PAPPA2: variants seen among roughly 807,000 people sequenced by gnomAD.
PAPPA2 encodes pappalysin-2.
PAPPA2 carries 86 observed loss-of-function variants against 176.4 expected under a neutral mutation model. The ratio of observed to expected loss-of-function variants is 0.49; its 90% CI spans 0.41 to 0.58. PAPPA2 has a LOEUF of 0.58. Among genes scored for constraint, PAPPA2 ranks in the 20% least tolerant of loss-of-function variants. PAPPA2 has a pLI of 0.00. For synonymous variants in PAPPA2, 809 were observed against 852.2 expected (o/e 0.95, Z 0.88); for missense variants, 2,073 against 2,256.9 (o/e 0.92, Z 1.65).
chr1:176,680,039 G>C (rs919243009), intron 4 of PAPPA2, among the ~76,000 whole-genome samples: 5 of 152,166 alleles, frequency 3.3e-5, no homozygotes, highest in African/African-American at 7.2e-5. Flanking sequence ...AGAAAAGAAG[G>C]AAGTATAGAA....
In PAPPA2 at chr1:176,699,092, C is replaced by T. The variant is rs1354571309; in HGVS notation, c.2747-8C>T. ...TACTGATGTATCTTTCTGCTAATCT[C>T]CCCCCAGGGCCTCCTGATGTGGATC... On this transcript the variant is annotated splice_region_variant and splice_polypyrimidine_tract_variant and intron_variant, in intron 7 of 22. Transcript: ENST00000367662. 2 of 1,601,174 alleles carry T rather than the reference C, an allele frequency of 1.2e-6. No individual in the cohort carries two copies. The highest frequency in any genetic ancestry group is 1.3e-5 in the African/African-American group (1 of 74,686).
At chr1:176,756,235 G>A (rs929547319) in intron 14 of PAPPA2, among the ~76,000 whole-genome samples, 2 of 152,124 alleles carry the variant, frequency 1.3e-5, no homozygotes, top group African/African-American at 4.8e-5. Context: ...AATTACAGGC[G>A]TGAGCCACTA....
intron 1 of PAPPA2, among the ~76,000 whole-genome samples, chr1:176,500,504 A>T (rs1647899460): frequency 6.7e-6 from 1 of 148,228 alleles, no homozygotes; most frequent in Non-Finnish European, 1.5e-5. Flanking sequence ...TATATAATTT[A>T]TTTATACATT....
intron 2 of PAPPA2, among the ~76,000 whole-genome samples, chr1:176,592,603 G>C (rs1031481191): frequency 6.6e-6 from 1 of 152,102 alleles, no homozygotes; most frequent in Admixed American, 6.5e-5. Context: ...TGTTTAAATT[G>C]CAAGTAGATG....
chr1:176,764,860 C>T lies in PAPPA2; in HGVS notation c.4152-806C>T, dbSNP rs547787547. Among the ~76,000 whole-genome samples, 29 of 152,194 alleles carry T rather than the reference C, an allele frequency of 1.9e-4. No homozygotes were observed. The South Asian group carries it at 5.2e-3, about 27-fold the overall frequency. On this transcript the variant is annotated intron_variant, in intron 14 of 22. Transcript: ENST00000367662. The stretch of plus-strand genomic sequence containing the variant: ...ATCCGCCCGCCTTGGCCTCCCAAAG[C>T]GCTGGGATTATGGGCGTGAGCCACC...
intron 1 of PAPPA2, among the ~76,000 whole-genome samples, chr1:176,524,786 G>A (rs1002598741): frequency 8.5e-5 from 13 of 152,202 alleles, no homozygotes; most frequent in African/African-American, 2.7e-4. Context: ...CACTTTGGGA[G>A]GCCCTGGCGG....
intron 20 of PAPPA2, among the ~76,000 whole-genome samples, chr1:176,795,991 A>G (rs1309457441): frequency 6.6e-6 from 1 of 152,216 alleles, no homozygotes; most frequent in Non-Finnish European, 1.5e-5. Context: ...GAGGAAGAAA[A>G]CGAGAAGATA....
chr1:176,671,386 T>G (rs1410654644), intron 4 of PAPPA2, among the ~76,000 whole-genome samples: 1 of 152,220 alleles, frequency 6.6e-6, no homozygotes, highest in Non-Finnish European at 1.5e-5. Context: ...TGGCATAGAA[T>G]AAGATCATTT....
chr1:176,591,164 T>A (rs937171479), intron 2 of PAPPA2, among the ~76,000 whole-genome samples: 1 of 151,826 alleles, frequency 6.6e-6, no homozygotes, highest in Non-Finnish European at 1.5e-5. Flanking sequence ...GTGAGTAATT[T>A]ATATAAAGGC....
rs150571489 is a variant in PAPPA2 at position 176,583,306 on chromosome 1, T to C, written c.920-11218T>C. Among the ~76,000 whole-genome samples the C allele has an allele frequency of 2.5e-4, 38 of 152,210 alleles. No homozygotes were observed. The South Asian group carries it at 4.6e-3, about 18-fold the overall frequency. ...TGCTTTTCTCATTGTTTGAAGTGCA[T>C]TGTTACGTTGTTGTTTTTTGAAATA... is the stretch of plus-strand genomic sequence containing the variant. On this transcript the variant is annotated intron_variant, in intron 2 of 22. Transcript: ENST00000367662.
chr1:176,788,311 A>T (rs572130634), intron 17 of PAPPA2, among the ~76,000 whole-genome samples: 1 of 152,330 alleles, frequency 6.6e-6, no homozygotes, highest in African/African-American at 2.4e-5. Flanking sequence ...AGACAGTCAC[A>T]TGTGCATTTA....
At chr1:176,771,839 A>T (rs1664243043) in intron 17 of PAPPA2, among the ~76,000 whole-genome samples, 1 of 152,158 alleles carries the variant, frequency 6.6e-6, no homozygotes, top group Non-Finnish European at 1.5e-5. Context: ...TTATAATGTA[A>T]TTTAAGAGGA....
At chr1:176,501,531 A>C (rs1378165010) in intron 1 of PAPPA2, among the ~76,000 whole-genome samples, 1 of 152,202 alleles carries the variant, frequency 6.6e-6, no homozygotes, top group East Asian at 1.9e-4. Flanking sequence ...AAATGGGAGC[A>C]AACAAGCTAG....
chr1:176,825,949 G>T (rs142024990), intron 21 of PAPPA2, among the ~76,000 whole-genome samples: 1 of 152,304 alleles, frequency 6.6e-6, no homozygotes, highest in African/African-American at 2.4e-5. Flanking sequence ...ACTGGGGATT[G>T]TTCAGTATAT....
intron 3 of PAPPA2, among the ~76,000 whole-genome samples, chr1:176,622,870 T>TAGA (rs377054393): frequency 6.6e-6 from 1 of 152,164 alleles, no homozygotes; most frequent in African/African-American, 2.4e-5. Flanking sequence ...TTTACAGTAC[T>TAGA]AGAGGCTGAG....
chr1:176,587,172 A>C (rs1653367258), intron 2 of PAPPA2, among the ~76,000 whole-genome samples: 1 of 151,704 alleles, frequency 6.6e-6, no homozygotes, highest in Non-Finnish European at 1.5e-5. Context: ...TAAGCTCCTC[A>C]TAAATTCTGG....
At chr1:176,817,727 TAAAA>T (rs60368860) in intron 21 of PAPPA2, among the ~76,000 whole-genome samples, 1 of 144,142 alleles carries the variant, frequency 6.9e-6, no homozygotes, top group Non-Finnish European at 1.5e-5. Flanking sequence ...TAACCTCTGT[TAAAA>T]AAAAAAAAAG....
chr1:176,604,334 G>A (rs943969744), intron 3 of PAPPA2, among the ~76,000 whole-genome samples: 1 of 152,052 alleles, frequency 6.6e-6, no homozygotes, highest in Non-Finnish European at 1.5e-5. Context: ...TAAATTCTAC[G>A]AGGGAAGGGG....
At chr1:176,697,793 A>G (rs1257267147) in intron 7 of PAPPA2, among the ~76,000 whole-genome samples, 2 of 152,156 alleles carry the variant, frequency 1.3e-5, no homozygotes, top group African/African-American at 4.8e-5. Flanking sequence ...TTATTGTTAC[A>G]TCTATCACTT....
Sources: allele counts gnomAD v4.1 joint callset (sites outside exome capture counted in the v4.1 genomes callset), GRCh38; gene constraint gnomAD v4.1.1; transcripts MANE v1.5; gene names NCBI Gene and HGNC (gene_info 2026-07-23, HGNC 2026-07-21).